The following CTDSP2 variants were observed in gnomAD, a reference collection of about 807,000 sequenced individuals.
The protein encoded by CTDSP2 is CTD small phosphatase 2, also known as carboxy-terminal domain RNA polymerase II polypeptide A small phosphatase 2.
Under a neutral mutation model 31.6 loss-of-function variants are expected in CTDSP2, and 9 were observed. That is an observed-to-expected ratio of 0.28 (90% CI 0.17 to 0.50). The LOEUF is 0.50. CTDSP2 is among the 20% of genes least tolerant of loss of function. CTDSP2 has a pLI of 0.98. For synonymous variants in CTDSP2, 134 were observed against 134.5 expected, an observed-to-expected ratio of 1.00 and a Z score of 0.03; for missense variants, 267 against 348.5, an observed-to-expected ratio of 0.77 and a Z score of 1.86.
chr12:57,824,334 A>C lies in CTDSP2; in HGVS notation c.412-15T>G, dbSNP rs377629084. ...AGCACATACACCTGAGGAAGAGCAGAGCAGCCTGTTGGAGGCATCCCTGTG... is the reference window on the plus strand; with the variant it reads ...AGCACATACACCTGAGGAAGAGCAGCGCAGCCTGTTGGAGGCATCCCTGTG... On this transcript the variant is annotated splice_polypyrimidine_tract_variant and intron_variant, in intron 5 of 7. Transcript: ENST00000398073. The C allele has an allele frequency of 6.1e-5, 97 of 1,602,470 alleles. No homozygotes were observed. Among genetic ancestry groups the C allele is most frequent in the Non-Finnish European group, 7.8e-5 (91 of 1,169,628 alleles).
chr12:57,829,731 T>C (rs1956203924), intron 1 of CTDSP2, 135 bp from the exon 2 acceptor site: 3 of 657,276 alleles, frequency 4.6e-6, no homozygotes, highest in Non-Finnish European at 7.9e-6. Context: ...AACAACCACA[T>C]ACAGTTAACA....
chr12:57,826,089 A>C (rs1956180962), intron 5 of CTDSP2, among the ~76,000 whole-genome samples: 1 of 152,234 alleles, frequency 6.6e-6, no homozygotes, highest in Non-Finnish European at 1.5e-5. Context: ...AATAAAATGT[A>C]AACTATTCTT....
chr12:57,846,123 G>T (rs955826835), intron 1 of CTDSP2, among the ~76,000 whole-genome samples: 6 of 152,208 alleles, frequency 3.9e-5, no homozygotes, highest in African/African-American at 1.2e-4. Flanking sequence ...CCCCGAGGGG[G>T]AGGGGTTGCG....
At chr12:57,833,195 G>A (rs1388196777) in intron 1 of CTDSP2, among the ~76,000 whole-genome samples, 2 of 152,224 alleles carry the variant, frequency 1.3e-5, no homozygotes, top group East Asian at 1.9e-4. Flanking sequence ...GGGTGAAAGG[G>A]GCAGCTGGCT....
At chr12:57,832,656 G>C (rs1240298848) in intron 1 of CTDSP2, among the ~76,000 whole-genome samples, 1 of 151,796 alleles carries the variant, frequency 6.6e-6, no homozygotes, top group African/African-American at 2.4e-5. Context: ...GCCGGGCGTA[G>C]TGGCACACAC....
intron 1 of CTDSP2, among the ~76,000 whole-genome samples, chr12:57,833,448 C>T (rs1956228801): frequency 6.6e-6 from 1 of 152,208 alleles, no homozygotes; most frequent in African/African-American, 2.4e-5. Context: ...TCCCTCATTC[C>T]CCACTCCCTT....
chr12:57,836,002 C>A (rs143391698), intron 1 of CTDSP2, among the ~76,000 whole-genome samples: 2 of 152,144 alleles, frequency 1.3e-5, no homozygotes, highest in African/African-American at 4.8e-5. Flanking sequence ...CTAAATGCTG[C>A]GCTTGTTTTA....
intron 2 of CTDSP2, among the ~76,000 whole-genome samples, chr12:57,828,166 T>C (rs571310415): frequency 2.6e-5 from 4 of 152,258 alleles, no homozygotes; most frequent in African/African-American, 9.6e-5. Context: ...ATGCCTGTAA[T>C]CCCAGCACTT....
chr12:57,826,012 A>C (rs371166706), intron 5 of CTDSP2, among the ~76,000 whole-genome samples: 12 of 152,328 alleles, frequency 7.9e-5, no homozygotes, highest in African/African-American at 2.9e-4. Context: ...AAATGTAATA[A>C]ATCATTTAAC....
At chr12:57,830,079 A>G (rs1008307158) in intron 1 of CTDSP2, among the ~76,000 whole-genome samples, 10 of 152,106 alleles carry the variant, frequency 6.6e-5, no homozygotes, top group African/African-American at 2.4e-4. Flanking sequence ...ACGGAGCCCA[A>G]TTTGCCTAAA....
chr12:57,824,559 C>T (rs574337165), intron 5 of CTDSP2: 9 of 664,324 alleles, frequency 1.4e-5, no homozygotes, highest in Non-Finnish European at 2.0e-5. Flanking sequence ...CAGGAAGAAG[C>T]GCACACACCA....
intron 1 of CTDSP2, 43 bp downstream of exon 1, chr12:57,846,329 C>A: frequency 6.4e-7 from 1 of 1,566,192 alleles, no homozygotes; most frequent in Non-Finnish European, 8.7e-7. Flanking sequence ...GCCCCCTCCG[C>A]GCCCGGGGGC....
chr12:57,830,379 C>T (rs752805067), intron 1 of CTDSP2, among the ~76,000 whole-genome samples: 23 of 151,860 alleles, frequency 1.5e-4, no homozygotes, highest in East Asian at 1.9e-4. Flanking sequence ...AGTGAGACTC[C>T]GTCTCAAAAA....
intron 5 of CTDSP2, chr12:57,824,811 C>A: frequency 2.6e-6 from 1 of 387,686 alleles, no homozygotes. Context: ...ACTAGACAGA[C>A]ACCCTGCCGA....
intron 1 of CTDSP2, among the ~76,000 whole-genome samples, chr12:57,841,331 C>G (rs904083522): frequency 6.6e-6 from 1 of 152,146 alleles, no homozygotes; most frequent in African/African-American, 2.4e-5. Flanking sequence ...CTCTTCAAAC[C>G]CCATTTTCTT....
intron 1 of CTDSP2, among the ~76,000 whole-genome samples, chr12:57,843,591 G>A (rs1465784228): frequency 1.3e-5 from 2 of 151,934 alleles, no homozygotes; most frequent in Non-Finnish European, 2.9e-5. Context: ...CAAGCTAGGA[G>A]CAATTTGTTT....
At chr12:57,837,656 A>G (rs1015748768) in intron 1 of CTDSP2, among the ~76,000 whole-genome samples, 1 of 152,122 alleles carries the variant, frequency 6.6e-6, no homozygotes, top group Non-Finnish European at 1.5e-5. Flanking sequence ...ACACCATTGC[A>G]CTCCAGCCTG....
rs368703478 is a variant in CTDSP2, at chr12:57,846,424, G to A, written c.12C>T (p.Gly4=). 8.7e-6 allele frequency: 14 copies of A among 1,604,204 alleles called. No individual in the cohort carries two copies. Among genetic ancestry groups the A allele is most frequent in the Non-Finnish European group, 1.2e-5 (14 of 1,175,802 alleles). The change falls in exon 1 of 8, where the codon GGC becomes GGT. Residue 4 remains glycine, a synonymous_variant. Transcript: ENST00000398073. MEH[G]SIITQARRED... ...CCCTCCGCGCCTGGGTGATGATGGA[G>A]CCGTGTTCCATCTAACAATCCCGCG...
intron 2 of CTDSP2, among the ~76,000 whole-genome samples, chr12:57,827,965 C>T (rs532273179): frequency 6.6e-6 from 1 of 152,146 alleles, no homozygotes; most frequent in Non-Finnish European, 1.5e-5. Context: ...TAAACTCAGG[C>T]TTCTCCTTGA....
Sources: gnomAD v4.1 joint callset for allele counts (sites outside exome capture counted in the v4.1 genomes callset) on GRCh38, gnomAD v4.1.1 for gene constraint, MANE v1.5 for transcripts, NCBI Gene and HGNC (gene_info 2026-07-23, HGNC 2026-07-21) for gene names.